Variants in TSPAN14 observed in about 807,000 individuals in gnomAD.
TSPAN14 encodes the protein tetraspanin-14.
TSPAN14 carries 16 observed loss-of-function variants against 36.6 expected under a neutral mutation model. The observed-to-expected ratio is 0.44, with a 90% CI of 0.30 to 0.66. The LOEUF (loss-of-function observed/expected upper bound fraction) is 0.66. Among genes scored for constraint, TSPAN14 ranks in the 30% least tolerant of loss-of-function variants. TSPAN14 has a pLI of 0.12. For missense variants in TSPAN14, 231 were observed against 355.1 expected (o/e 0.65, Z 2.81); for synonymous variants, 139 against 143.8 (o/e 0.97, Z 0.24).
chr10:80,520,334 C>G, exon 9 of TSPAN14: 1 of 344,336 alleles, frequency 2.9e-6, no homozygotes, highest in Non-Finnish European at 5.7e-6. Context: ...TCATGTGACT[C>G]TGAATAGTTG....
At chr10:80,455,263 G>T (rs917421107) in intron 1 of TSPAN14, among the ~76,000 whole-genome samples, 1 of 152,168 alleles carries the variant, frequency 6.6e-6, no homozygotes. Flanking sequence ...GGGGAGTCGG[G>T]GGAAGTCGTG....
chr10:80,472,588 G>A (rs1213958254), intron 1 of TSPAN14, among the ~76,000 whole-genome samples: 2 of 152,148 alleles, frequency 1.3e-5, no homozygotes, highest in South Asian at 2.1e-4. Context: ...TGGCACAGTC[G>A]GTTGTTTCTG....
At chr10:80,456,071 T>C (rs1196477124) in intron 1 of TSPAN14, among the ~76,000 whole-genome samples, 1 of 152,104 alleles carries the variant, frequency 6.6e-6, no homozygotes, top group Non-Finnish European at 1.5e-5. Context: ...TAACAAAGCA[T>C]GGTTGAGATT....
At chr10:80,491,852 T>C (rs1280002074) in intron 2 of TSPAN14, among the ~76,000 whole-genome samples, 1 of 152,100 alleles carries the variant, frequency 6.6e-6, no homozygotes, top group African/African-American at 2.4e-5. Flanking sequence ...GAGAGCTTGG[T>C]TGGGAAATAA....
intron 4 of TSPAN14, among the ~76,000 whole-genome samples, chr10:80,508,341 A>C (rs1840420145): frequency 6.6e-6 from 1 of 151,990 alleles, no homozygotes; most frequent in African/African-American, 2.4e-5. Context: ...GATGGTCTCC[A>C]TCTCCTGACC....
chr10:80,513,004 T>A (rs141745091), intron 6 of TSPAN14, among the ~76,000 whole-genome samples: 166 of 152,298 alleles, frequency 1.1e-3, no homozygotes, highest in African/African-American at 3.9e-3. Flanking sequence ...GCTCAAGCAA[T>A]TCTCCAGCCT....
intron 1 of TSPAN14, among the ~76,000 whole-genome samples, chr10:80,456,459 T>C (rs1480807754): frequency 6.6e-6 from 1 of 152,172 alleles, no homozygotes; most frequent in Non-Finnish European, 1.5e-5. Flanking sequence ...GGCTCTGCCC[T>C]GAAGGTTGTG....
rs115405362 is a variant in TSPAN14 at position 80,488,723 on chromosome 10, A to G, written c.-17-494A>G. On this transcript the variant is annotated intron_variant, in intron 1 of 8. Transcript: ENST00000429989. ...GACCTGCCTGCACGTTCATCTCCCA[A>G]ACATGGCTCTTTGTGGTCAAGCCCG... Among the ~76,000 whole-genome samples the G allele has an allele frequency of 8.6e-3, 1,303 of 152,232 alleles. 26 individuals are homozygous for G. The highest frequency in any genetic ancestry group is 0.03 in the African/African-American group (1,226 of 41,534).
intron 7 of TSPAN14, chr10:80,515,492 C>T (rs1383924366): frequency 6.6e-6 from 1 of 152,296 alleles, no homozygotes; most frequent in Non-Finnish European, 1.5e-5. Flanking sequence ...AGCCTGTCTA[C>T]AAATACAGTC....
intron 1 of TSPAN14, among the ~76,000 whole-genome samples, chr10:80,481,073 C>T (rs1293605435): frequency 6.6e-6 from 1 of 151,914 alleles, no homozygotes; most frequent in Non-Finnish European, 1.5e-5. Flanking sequence ...CCAGGGCTCT[C>T]CAGCCAGGGT....
exon 9 of TSPAN14, chr10:80,520,449 C>G (rs1168021687): frequency 2.3e-6 from 1 of 427,924 alleles, no homozygotes; most frequent in Non-Finnish European, 4.7e-6. Context: ...CTGTGCACTC[C>G]CCACCTAGCA....
intron 1 of TSPAN14, among the ~76,000 whole-genome samples, chr10:80,482,317 C>T (rs974861368): frequency 1.2e-4 from 18 of 152,146 alleles, no homozygotes; most frequent in African/African-American, 4.1e-4. Flanking sequence ...GATGGAGTCT[C>T]GCTCTGTGGC....
exon 9 of TSPAN14, chr10:80,519,561 T>A (rs993308955): frequency 1.3e-5 from 2 of 151,688 alleles, no homozygotes; most frequent in Non-Finnish European, 2.9e-5. Flanking sequence ...GAAGAATGCT[T>A]GTGTTTTTCG....
At chr10:80,493,871 A>G (rs879841993) in intron 2 of TSPAN14, among the ~76,000 whole-genome samples, 2 of 152,154 alleles carry the variant, frequency 1.3e-5, no homozygotes, top group Non-Finnish European at 2.9e-5. Flanking sequence ...TTGTTCATTT[A>G]TACCCCCCAC....
intron 2 of TSPAN14, among the ~76,000 whole-genome samples, chr10:80,504,082 C>A (rs72819602): frequency 6.6e-6 from 1 of 152,140 alleles, no homozygotes; most frequent in African/African-American, 2.4e-5. Flanking sequence ...TTAGAGCAAG[C>A]CTATTTTCAT....
intron 7 of TSPAN14, chr10:80,515,799 G>C (rs1384810225): frequency 6.0e-6 from 1 of 166,680 alleles, no homozygotes; most frequent in Non-Finnish European, 1.3e-5. Context: ...TGCCCGCTCC[G>C]AGAAGCACCC....
intron 1 of TSPAN14, among the ~76,000 whole-genome samples, chr10:80,463,887 G>A (rs539149268): frequency 1.3e-5 from 2 of 152,372 alleles, no homozygotes; most frequent in South Asian, 4.1e-4. Context: ...GAAGGCATGA[G>A]AGGTGCCAGC....
chr10:80,455,233 C>T (rs1045256307), intron 1 of TSPAN14, among the ~76,000 whole-genome samples: 1 of 152,080 alleles, frequency 6.6e-6, no homozygotes. Context: ...TGATCTCCGG[C>T]GAGAAACAGT....
At chr10:80,456,983 A>G (rs940500786) in intron 1 of TSPAN14, among the ~76,000 whole-genome samples, 2 of 152,012 alleles carry the variant, frequency 1.3e-5, no homozygotes, top group African/African-American at 4.8e-5. Flanking sequence ...AATTGCTTCA[A>G]TCTGGGAGGT....
Sources: allele counts gnomAD v4.1 joint callset (sites outside exome capture counted in the v4.1 genomes callset), GRCh38; gene constraint gnomAD v4.1.1; transcripts MANE v1.5; gene names NCBI Gene and HGNC (gene_info 2026-07-23, HGNC 2026-07-21).